Variants in ASB8 observed in about 807,000 individuals in gnomAD.
The protein encoded by ASB8 is ankyrin repeat and SOCS box protein 8.
A neutral mutation model predicts 22.9 loss-of-function variants in ASB8; 15 were observed. That is an observed-to-expected ratio of 0.66 (90% CI 0.44 to 1.01). The LOEUF (loss-of-function observed/expected upper bound fraction) is 1.01. Among genes scored for constraint, ASB8 ranks in the 50% least tolerant of loss-of-function variants. ASB8 has a pLI of 0.00. For missense variants in ASB8, 294 were observed against 356.9 expected (o/e 0.82, Z 1.42); for synonymous variants, 124 against 140.8 (o/e 0.88, Z 0.84).
intron 2 of ASB8, among the ~76,000 whole-genome samples, chr12:48,152,173 G>A (rs900089814): frequency 2.0e-5 from 3 of 151,970 alleles, no homozygotes; most frequent in Non-Finnish European, 2.9e-5. Flanking sequence ...AAAATCAAGG[G>A]AGATGGAGAT....
At position 48,149,492 on chromosome 12, in the gene ASB8, T is replaced by G. The variant is rs1737190887; in HGVS notation, c.741A>C (p.Pro247=). 1 of 1,614,232 alleles carries G rather than the reference T, an allele frequency of 6.2e-7. No homozygotes were observed. The highest frequency in any genetic ancestry group is 8.5e-7 in the Non-Finnish European group (1 of 1,180,044). The change falls in exon 4 of 4, where the codon CCA becomes CCC. Residue 247 remains proline, a synonymous_variant. Coordinates refer to ENST00000317697, the MANE Select transcript of ASB8 (RefSeq NM_024095.5). ...CEKLTVLCSA[P]GTLKTLARYA... ...AGCGAGCGAGTGTTTTTAGAGTTCCTGGAGCTGAGCACAGAACAGTCAGTT... is the reference window on the plus strand; with the variant it reads ...AGCGAGCGAGTGTTTTTAGAGTTCCGGGAGCTGAGCACAGAACAGTCAGTT...
rs1486345214 is a variant in ASB8 at position 48,153,471 on chromosome 12, A to G, written c.26T>C (p.Met9Thr). ...AGAGTATTTGCTCTGAATGCTCTGC[A>G]TAATATACCACATACTGGAACTCAT... MSSSMWYI[M>T]QSIQSKYSLS... Residue 9 changes from methionine (M) to threonine (T), a missense_variant, in exon 2 of 4, where the codon ATG becomes ACG. Coordinates refer to ENST00000317697, the MANE Select transcript of ASB8 (RefSeq NM_024095.5). 1 of 1,613,950 alleles carries G rather than the reference A, an allele frequency of 6.2e-7. No homozygotes were observed. Among genetic ancestry groups the G allele is most frequent in the Non-Finnish European group, 8.5e-7 (1 of 1,179,820 alleles).
rs1362407645 is a variant in ASB8 at position 48,149,574 on chromosome 12, A to C, written c.659T>G (p.Leu220Trp). 3 of 1,614,002 alleles carry C rather than the reference A, an allele frequency of 1.9e-6. No individual in the cohort carries two copies. Among genetic ancestry groups the C allele is most frequent in the Non-Finnish European group, 2.5e-6 (3 of 1,179,958 alleles). ...LLHRAVGHFE[L>W]RKNGTMPREV... ...TCGTGGCATGGTGCCATTTTTCCTC[A>C]ATTCAAAGTGTCCAACAGCTCTGTG... is the stretch of plus-strand genomic sequence containing the variant. The change falls in exon 4 of 4, where the codon TTG (leucine) becomes TGG (tryptophan). Residue 220 changes from leucine (L) to tryptophan (W), a missense_variant. Leu to Trp is a moderately conservative substitution (Grantham distance 61, BLOSUM62 -2). Coordinates refer to ENST00000317697, the MANE Select transcript of ASB8 (RefSeq NM_024095.5).
intron 3 of ASB8, 192 bp downstream of exon 3, chr12:48,151,009 G>T (rs1951191407): frequency 1.6e-6 from 1 of 614,766 alleles, no homozygotes; most frequent in Non-Finnish European, 2.9e-6. Context: ...AAAGGTAAAA[G>T]AATGAAATCC....
At chr12:48,155,742 A>ATATATATATAT (rs1555211489) in intron 1 of ASB8, among the ~76,000 whole-genome samples, 2 of 114,954 alleles carry the variant, frequency 1.7e-5, no homozygotes, top group African/African-American at 6.8e-5. Flanking sequence ...AAAAAAAAAA[A>ATATATATATAT]ATATATATAT....
rs1308706311 is a variant in ASB8, at chr12:48,151,088, A to G, written c.234+113T>C. 1.0e-5 allele frequency: 8 copies of G among 779,782 alleles called. No individual in the cohort carries two copies. The East Asian group carries it at 1.8e-4, about 18-fold the overall frequency. The allele number at this position is 779,782 out of a possible 1,614,324, so 48.3% of individuals were successfully genotyped here. A position where few individuals can be genotyped will look rare whatever the true frequency, so the allele number is the denominator to read the frequency against. ...GGCTATGCCAACATTACCTTGAGTT[A>G]GAAGTTCAGACTGGAGGAGGGAAGA... On this transcript the variant is annotated intron_variant, in intron 3 of 3. Coordinates refer to ENST00000317697, the MANE Select transcript of ASB8 (RefSeq NM_024095.5).
intron 3 of ASB8, chr12:48,150,264 A>G (rs1565926915): frequency 1.3e-5 from 9 of 689,770 alleles, no homozygotes; most frequent in Middle Eastern, 2.4e-4. Context: ...TTTTGCTGCA[A>G]TGTTCTTTTA....
intron 2 of ASB8, chr12:48,151,697 T>A (rs1565927908): frequency 3.3e-6 from 4 of 1,211,580 alleles, no homozygotes; most frequent in Non-Finnish European, 4.4e-6. Flanking sequence ...TCTGTCAGAC[T>A]GAGGCCAGAA....
In ASB8 at chr12:48,149,808, G is replaced by C; in HGVS notation, c.425C>G (p.Ala142Gly). The C allele has an allele frequency of 6.2e-7, 1 of 1,614,004 alleles. No individual in the cohort carries two copies. The highest frequency in any genetic ancestry group is 1.1e-5 in the South Asian group (1 of 91,076). ...ECVRALLESGASVNALDYNND... is the reference protein window; with the variant it reads ...ECVRALLESGGSVNALDYNND... Reference sequence around the variant, plus strand: ...GTTGTAATCCAGGGCATTGACAGAGGCCCCGCTCTCTAGGAGAGCCCGCAC... The same window carrying C: ...GTTGTAATCCAGGGCATTGACAGAGCCCCCGCTCTCTAGGAGAGCCCGCAC... Residue 142 changes from alanine to glycine, a missense_variant, in exon 4 of 4, where the codon GCC becomes GGC. By Grantham distance (60) the Ala-to-Gly change is moderately conservative (BLOSUM62 0). Coordinates refer to ENST00000317697, the MANE Select transcript of ASB8 (RefSeq NM_024095.5).
chr12:48,151,293 TCA>T lies in ASB8; in HGVS notation c.140_141del (p.Val47GlufsTer20). ...VEDLIRGGAD[V>X]NCTHGTLKPL... The stretch of plus-strand genomic sequence containing the variant: ...GGCTTCAGTGTGCCATGAGTGCAGT[TCA>T]CATCTGCTCCCTGTGGGCAGAAGAC... On this transcript the variant is annotated frameshift_variant, in exon 3 of 4. Coordinates refer to ENST00000317697, the MANE Select transcript of ASB8 (RefSeq NM_024095.5). LOFTEE classifies it high-confidence loss of function. The T allele has an allele frequency of 6.2e-7, 1 of 1,612,742 alleles. No homozygotes were observed. Among genetic ancestry groups the T allele is most frequent in the Non-Finnish European group, 8.5e-7 (1 of 1,179,200 alleles).
chr12:48,151,489 G>A lies in ASB8; in HGVS notation c.130-184C>T, dbSNP rs1951202302. The stretch of plus-strand genomic sequence containing the variant: ...GTCCAAACCAAAGGAGTACACTGAA[G>A]ATGAAGGAAAGGAACTGTTAATTCC... On this transcript the variant is annotated intron_variant, in intron 2 of 3. Transcript: ENST00000317697. 14 of 1,164,764 alleles carry A rather than the reference G, an allele frequency of 1.2e-5. No individual in the cohort carries two copies. The South Asian group carries it at 1.8e-4, about 15-fold the overall frequency. 72.2% of individuals were successfully genotyped at this position (1,164,764 alleles called of 1,614,324 possible).
chr12:48,152,750 T>G (rs950929327), intron 2 of ASB8: 1 of 152,212 alleles, frequency 6.6e-6, no homozygotes, highest in African/African-American at 2.4e-5. Flanking sequence ...ATCCCACGAC[T>G]TTGGGAACCC....
Position 48,149,368 on chromosome 12 carries a change from A to G in ASB8, c.865T>C (p.Ter289GlnextTer37). The G allele has an allele frequency of 6.2e-7, 1 of 1,612,960 alleles. No homozygotes were observed. Among genetic ancestry groups the G allele is most frequent in the South Asian group, 1.1e-5 (1 of 91,040 alleles). ...GATGGTGCAAACATCTTCTCCGGCT[A>G]TTCTAAAAGTAACAGGTATTCCTTC... ...SLKEYLLLLE[*>Q] Residue 289 changes from the stop codon to glutamine (Q), a stop_lost, in exon 4 of 4, where the codon TAG (stop) becomes CAG (glutamine). Transcript: ENST00000317697.
intron 1 of ASB8, 69 bp from the exon 2 acceptor site, chr12:48,153,598 C>G: frequency 8.0e-7 from 1 of 1,252,466 alleles, no homozygotes; most frequent in Non-Finnish European, 1.1e-6. Flanking sequence ...TAGGTCTTCT[C>G]TGAGGCCTTC....
chr12:48,153,211 T>C, intron 2 of ASB8, 157 bp downstream of exon 2: 1 of 849,324 alleles, frequency 1.2e-6, no homozygotes, highest in Admixed American at 2.3e-5. Context: ...GAAGCAAACA[T>C]AGGGGAAATA....
At position 48,149,797 on chromosome 12, in the gene ASB8, C is replaced by A; in HGVS notation, c.436G>T (p.Ala146Ser). The A allele has an allele frequency of 6.2e-7, 1 of 1,614,056 alleles. No homozygotes were observed. ...GGTGTATCATTGTTGTAATCCAGGG[C>A]ATTGACAGAGGCCCCGCTCTCTAGG... The part of the protein sequence containing the change: ...ALLESGASVN[A>S]LDYNNDTPLS... The change falls in exon 4 of 4, where the codon GCC becomes TCC. Residue 146 changes from alanine (A) to serine (S), a missense_variant. Physicochemically the swap from Ala to Ser is moderately conservative, Grantham distance 99. Transcript: ENST00000317697.
In ASB8 at chr12:48,149,436, T is replaced by A. The variant is rs1042780711; in HGVS notation, c.797A>T (p.Tyr266Phe). 5 of 1,614,010 alleles carry A rather than the reference T, an allele frequency of 3.1e-6. No individual in the cohort carries two copies. In the East Asian group the frequency reaches 1.1e-4, roughly 36 times the overall value. The change falls in exon 4 of 4, where the codon TAT becomes TTT. Residue 266 changes from tyrosine to phenylalanine, a missense_variant. Physicochemically the swap from Tyr to Phe is conservative, Grantham distance 22. Coordinates refer to ENST00000317697, the MANE Select transcript of ASB8 (RefSeq NM_024095.5). ...YAVRRSLGLQ[Y>F]LPDAVKGLPL... ...AAGGCCCTTCACTGCATCGGGGAGATACTGGAGTCCCAGGCTACGGCGCAC... is the reference window on the plus strand; with the variant it reads ...AAGGCCCTTCACTGCATCGGGGAGAAACTGGAGTCCCAGGCTACGGCGCAC...
At chr12:48,151,056 T>C in intron 3 of ASB8, 145 bp downstream of exon 3, 1 of 654,210 alleles carries the variant, frequency 1.5e-6, no homozygotes, top group South Asian at 1.9e-5. Flanking sequence ...ACATTTTCCT[T>C]AATATTGGCT....
chr12:48,151,183 ATG>A lies in ASB8; in HGVS notation c.234+16_234+17del. ...AAGTTTTAGTGAGTCATTAATGTGA[ATG>A]TGTTAAAAACATTACCTCGGCTCCT... On this transcript the variant is annotated intron_variant, in intron 3 of 3. Transcript: ENST00000317697. The A allele has an allele frequency of 1.3e-6, 2 of 1,567,992 alleles. No individual in the cohort carries two copies. The highest frequency in any genetic ancestry group is 2.2e-5 in the South Asian group (2 of 90,066).
Sources: allele counts gnomAD v4.1 joint callset (sites outside exome capture counted in the v4.1 genomes callset), GRCh38; gene constraint gnomAD v4.1.1; transcripts MANE v1.5; gene names NCBI Gene and HGNC (gene_info 2026-07-23, HGNC 2026-07-21).